The following UGGT2 variants were observed in gnomAD, a reference collection of about 807,000 sequenced individuals.
UGGT2 encodes UDP-glucose glycoprotein glucosyltransferase 2.
UGGT2 carries 180 observed loss-of-function variants against 192.1 expected under a neutral mutation model. That is an observed-to-expected ratio of 0.94 (90% confidence interval 0.83 to 1.06). The LOEUF is 1.06. Among genes scored for constraint, UGGT2 ranks in the 50% least tolerant of loss-of-function variants. The pLI, the probability that UGGT2 is intolerant of heterozygous loss-of-function variation, is 0.00. For synonymous variants in UGGT2, 580 were observed against 591.0 expected (o/e 0.98, Z 0.27); for missense variants, 1,849 against 1,795.7 (o/e 1.03, Z -0.54).
chr13:95,801,882 TATG>T, intron 38 of UGGT2, 70 bp from the exon 39 acceptor site: 1 of 1,577,940 alleles, frequency 6.3e-7, no homozygotes, highest in South Asian at 1.1e-5. Flanking sequence ...ATTACTTACA[TATG>T]ATGAGGAAGC....
chr13:95,880,924 C>T (rs1017330834), intron 27 of UGGT2, among the ~76,000 whole-genome samples: 1 of 152,174 alleles, frequency 6.6e-6, no homozygotes, highest in African/African-American at 2.4e-5. Flanking sequence ...CCTGTAATCC[C>T]AGCACTTTGG....
chr13:96,033,780 T>C (rs752347112), intron 1 of UGGT2, among the ~76,000 whole-genome samples: 2 of 152,128 alleles, frequency 1.3e-5, no homozygotes, highest in African/African-American at 2.4e-5. Flanking sequence ...CTCCAGACTT[T>C]GGGCACCAAT....
At chr13:95,862,573 AC>A (rs1364971204) in intron 31 of UGGT2, among the ~76,000 whole-genome samples, 1 of 152,012 alleles carries the variant, frequency 6.6e-6, no homozygotes, top group African/African-American at 2.4e-5. Context: ...TAGGTATATG[AC>A]TCATGCTGGG....
intron 2 of UGGT2, among the ~76,000 whole-genome samples, chr13:96,028,786 T>C (rs1312538373): frequency 6.6e-6 from 1 of 152,116 alleles, no homozygotes; most frequent in East Asian, 1.9e-4. Context: ...CAACCTAAAT[T>C]AGTACAAGTA....
At chr13:95,859,494 C>G (rs1889946963) in intron 33 of UGGT2, 97 bp downstream of exon 33, 1 of 1,018,224 alleles carries the variant, frequency 9.8e-7, no homozygotes, top group African/African-American at 1.7e-5. Context: ...TTTCAAAAAG[C>G]TTATTCTGAA....
chr13:96,036,238 G>A (rs549028602), intron 1 of UGGT2, among the ~76,000 whole-genome samples: 54 of 152,254 alleles, frequency 3.5e-4, no homozygotes, highest in African/African-American at 1.3e-3. Context: ...AATGAACAAG[G>A]TCATGTCTTT....
At chr13:95,964,969 A>G (rs1234868140) in intron 12 of UGGT2, among the ~76,000 whole-genome samples, 11 of 152,170 alleles carry the variant, frequency 7.2e-5, no homozygotes, top group African/African-American at 2.7e-4. Flanking sequence ...ACATTTATGC[A>G]GCCAAAAAAC....
intron 20 of UGGT2, among the ~76,000 whole-genome samples, chr13:95,906,628 C>T (rs2048300247): frequency 6.6e-6 from 1 of 152,120 alleles, no homozygotes; most frequent in Non-Finnish European, 1.5e-5. Context: ...CAATGTACTC[C>T]AATAAGGATA....
intron 12 of UGGT2, among the ~76,000 whole-genome samples, chr13:95,969,492 T>C (rs1363611797): frequency 2.0e-5 from 3 of 152,124 alleles, no homozygotes; most frequent in Non-Finnish European, 4.4e-5. Flanking sequence ...AAGGGCTATT[T>C]CAACCTAACT....
intron 4 of UGGT2, among the ~76,000 whole-genome samples, chr13:96,017,990 C>A (rs747569333): frequency 2.0e-5 from 3 of 152,098 alleles, no homozygotes; most frequent in Non-Finnish European, 4.4e-5. Flanking sequence ...AATGAAGTTG[C>A]AAACTAAAAA....
intron 8 of UGGT2, among the ~76,000 whole-genome samples, chr13:95,987,180 A>G (rs1322877042): frequency 1.2e-4 from 19 of 152,038 alleles, no homozygotes; most frequent in Admixed American, 1.2e-3. Flanking sequence ...CACTAGTCTC[A>G]TTATTTCTGA....
chr13:95,894,333 CAT>C (rs2047887182), intron 24 of UGGT2, among the ~76,000 whole-genome samples: 1 of 152,192 alleles, frequency 6.6e-6, no homozygotes, highest in East Asian at 1.9e-4. Context: ...CAAATTATAA[CAT>C]GTTTAACTTA....
At chr13:95,829,196 A>C (rs1245304943) in intron 38 of UGGT2, among the ~76,000 whole-genome samples, 1 of 152,168 alleles carries the variant, frequency 6.6e-6, no homozygotes, top group Non-Finnish European at 1.5e-5. Flanking sequence ...ATTTATGACA[A>C]ACCCACAGCC....
chr13:95,826,921 A>G (rs1414382211), intron 38 of UGGT2, among the ~76,000 whole-genome samples: 1 of 152,176 alleles, frequency 6.6e-6, no homozygotes, highest in African/African-American at 2.4e-5. Flanking sequence ...AGGAAAGGCT[A>G]GCCTTACTTG....
intron 38 of UGGT2, among the ~76,000 whole-genome samples, chr13:95,818,674 C>T (rs547348867): frequency 3.9e-5 from 6 of 152,162 alleles, no homozygotes; most frequent in African/African-American, 1.4e-4. Context: ...TGTGATGTAG[C>T]TTGAACAGGG....
At chr13:95,818,739 G>A (rs191693228) in intron 38 of UGGT2, among the ~76,000 whole-genome samples, 12 of 152,230 alleles carry the variant, frequency 7.9e-5, no homozygotes, top group Middle Eastern at 6.8e-3. Flanking sequence ...CTCAGGCTGT[G>A]GGTACAGAGG....
At chr13:95,842,753 C>T (rs1302650375) in intron 36 of UGGT2, among the ~76,000 whole-genome samples, 1 of 152,188 alleles carries the variant, frequency 6.6e-6, no homozygotes, top group African/African-American at 2.4e-5. Flanking sequence ...TGATGACTGC[C>T]TATAGCCACA....
At chr13:95,931,626 G>A (rs533532472) in intron 17 of UGGT2, among the ~76,000 whole-genome samples, 1 of 152,276 alleles carries the variant, frequency 6.6e-6, no homozygotes, top group South Asian at 2.1e-4. Context: ...AGGCAGATGA[G>A]GCAGCGAGAA....
intron 17 of UGGT2, among the ~76,000 whole-genome samples, chr13:95,935,037 G>C (rs2049415202): frequency 6.6e-6 from 1 of 152,006 alleles, no homozygotes; most frequent in Non-Finnish European, 1.5e-5. Flanking sequence ...TTTTATCTAA[G>C]AATAGCAACT....
Sources: gnomAD v4.1 joint callset for allele counts (sites outside exome capture counted in the v4.1 genomes callset) on GRCh38, gnomAD v4.1.1 for gene constraint, MANE v1.5 for transcripts, NCBI Gene and HGNC (gene_info 2026-07-23, HGNC 2026-07-21) for gene names.